CTNND2: variants seen among roughly 807,000 people sequenced by gnomAD.
CTNND2 encodes the protein catenin delta-2.
In CTNND2, 22 loss-of-function variants were observed where a neutral mutation model predicts 144.4. The ratio of observed to expected loss-of-function variants is 0.15; its 90% CI spans 0.11 to 0.22. CTNND2 has a LOEUF of 0.22. Ranked by LOEUF, CTNND2 falls within the 10% of genes least tolerant of loss-of-function variation. The pLI, the probability that CTNND2 is intolerant of heterozygous loss-of-function variation, is 1.00. For synonymous variants in CTNND2, 751 were observed against 695.6 expected (o/e 1.08, Z -1.25); for missense variants, 1,353 against 1,618.8 (o/e 0.84, Z 2.82).
intron 1 of CTNND2, among the ~76,000 whole-genome samples, chr5:11,898,204 G>A (rs527374864): frequency 3.5e-4 from 53 of 152,314 alleles, no homozygotes; most frequent in African/African-American, 1.2e-3. Flanking sequence ...ATCCCAACAT[G>A]CTGAGATGGG....
chr5:11,057,642 A>G (rs1746474072), intron 16 of CTNND2, among the ~76,000 whole-genome samples: 2 of 152,232 alleles, frequency 1.3e-5, no homozygotes, highest in Non-Finnish European at 2.9e-5. Context: ...TGGTACCAGT[A>G]GAGTGGGGTG....
chr5:11,248,774 A>T (rs1489469944), intron 9 of CTNND2, among the ~76,000 whole-genome samples: 1 of 152,222 alleles, frequency 6.6e-6, no homozygotes, highest in Non-Finnish European at 1.5e-5. Context: ...GTCCTGAAGT[A>T]CCTGTCACAG....
At chr5:11,467,578 G>A (rs1466394158) in intron 3 of CTNND2, among the ~76,000 whole-genome samples, 2 of 152,162 alleles carry the variant, frequency 1.3e-5, no homozygotes, top group East Asian at 3.9e-4. Context: ...CTCTAGGGTT[G>A]TGTGTGTGAG....
chr5:11,582,306 G>A (rs1778497546), intron 2 of CTNND2, among the ~76,000 whole-genome samples: 1 of 152,148 alleles, frequency 6.6e-6, no homozygotes, highest in Non-Finnish European at 1.5e-5. Context: ...ACATTCCAGG[G>A]AAAAGAAAAT....
chr5:11,717,713 T>C (rs1393407812), intron 2 of CTNND2, among the ~76,000 whole-genome samples: 1 of 152,108 alleles, frequency 6.6e-6, no homozygotes, highest in African/African-American at 2.4e-5. Flanking sequence ...ACGTCTTACA[T>C]GGGGGCAGGC....
intron 2 of CTNND2, among the ~76,000 whole-genome samples, chr5:11,601,456 C>T (rs1342510982): frequency 4.0e-5 from 6 of 151,884 alleles, no homozygotes; most frequent in Admixed American, 3.9e-4. Flanking sequence ...GATTTAATTC[C>T]AGTTATTAAA....
chr5:11,145,862 G>C (rs539125373), intron 12 of CTNND2, among the ~76,000 whole-genome samples: 1 of 151,822 alleles, frequency 6.6e-6, no homozygotes, highest in African/African-American at 2.4e-5. Flanking sequence ...CCTACCAACC[G>C]CGCCCTGGCT....
intron 9 of CTNND2, among the ~76,000 whole-genome samples, chr5:11,287,461 A>G (rs1389361474): frequency 6.6e-6 from 1 of 152,184 alleles, no homozygotes; most frequent in Non-Finnish European, 1.5e-5. Flanking sequence ...CTCTTTTTAT[A>G]TAGACATATT....
chr5:11,750,661 T>C (rs1363007267), intron 1 of CTNND2, among the ~76,000 whole-genome samples: 2 of 151,874 alleles, frequency 1.3e-5, no homozygotes, highest in Non-Finnish European at 2.9e-5. Context: ...AGTTTCCTCA[T>C]TGGTATAGGT....
At chr5:11,113,073 G>A (rs912303442) in intron 13 of CTNND2, among the ~76,000 whole-genome samples, 20 of 152,084 alleles carry the variant, frequency 1.3e-4, no homozygotes, top group African/African-American at 4.3e-4. Flanking sequence ...CCCGGAAAGC[G>A]GAGCTTGCAG....
At chr5:11,363,447 A>T (rs557424967) in intron 8 of CTNND2, among the ~76,000 whole-genome samples, 27 of 152,326 alleles carry the variant, frequency 1.8e-4, no homozygotes, top group Non-Finnish European at 1.0e-4. Flanking sequence ...ACTTAAAAAC[A>T]TGCAAACATT....
rs558132981 is a variant in CTNND2, at chr5:11,256,739, T to C, written c.1629-19916A>G. ...TACCAATGAGGCATAGTGAATAATA[T>C]CCACTGGCCCCAGGGGCTACGGATG... On this transcript the variant is annotated intron_variant, in intron 9 of 21. Coordinates refer to ENST00000304623, the MANE Select transcript of CTNND2 (RefSeq NM_001332.4). Among the ~76,000 whole-genome samples the C allele has an allele frequency of 2.6e-5, 4 of 152,226 alleles. No individual in the cohort carries two copies. In the East Asian group the frequency reaches 7.7e-4, roughly 29 times the overall value.
chr5:11,856,863 G>A (rs1374152488), intron 1 of CTNND2, among the ~76,000 whole-genome samples: 1 of 152,068 alleles, frequency 6.6e-6, no homozygotes, highest in East Asian at 1.9e-4. Flanking sequence ...CAAAATCACA[G>A]CATTTTAGAG....
intron 1 of CTNND2, among the ~76,000 whole-genome samples, chr5:11,870,514 A>G (rs750609104): frequency 2.1e-4 from 32 of 152,246 alleles, no homozygotes; most frequent in Non-Finnish European, 3.1e-4. Context: ...GCTTCTGCAG[A>G]ATTCCCTGAC....
chr5:11,419,851 A>G (rs1409104529), intron 3 of CTNND2, among the ~76,000 whole-genome samples: 1 of 152,154 alleles, frequency 6.6e-6, no homozygotes, highest in Non-Finnish European at 1.5e-5. Context: ...GTCTTTTTCA[A>G]TTTTTTGATG....
intron 3 of CTNND2, among the ~76,000 whole-genome samples, chr5:11,438,711 T>C (rs1048627114): frequency 6.6e-6 from 1 of 152,238 alleles, no homozygotes; most frequent in Non-Finnish European, 1.5e-5. Context: ...AACAATGTCC[T>C]AATTACTTAG....
chr5:11,263,258 G>A (rs1259271243), intron 9 of CTNND2, among the ~76,000 whole-genome samples: 3 of 152,058 alleles, frequency 2.0e-5, no homozygotes, highest in Non-Finnish European at 2.9e-5. Flanking sequence ...AATCTCTTTT[G>A]TATAATGGCC....
chr5:11,582,962 G>T (rs1778558046), intron 2 of CTNND2, among the ~76,000 whole-genome samples: 1 of 152,140 alleles, frequency 6.6e-6, no homozygotes, highest in Admixed American at 6.5e-5. Flanking sequence ...AATACACTAA[G>T]AATTTTGGAT....
At chr5:11,031,146 G>A (rs955226544) in intron 16 of CTNND2, among the ~76,000 whole-genome samples, 2 of 152,140 alleles carry the variant, frequency 1.3e-5, no homozygotes, top group African/African-American at 4.8e-5. Context: ...GGAGGGTGAC[G>A]GTGTCAGCTC....
Sources: allele counts gnomAD v4.1 joint callset (sites outside exome capture counted in the v4.1 genomes callset), GRCh38; gene constraint gnomAD v4.1.1; transcripts MANE v1.5; gene names NCBI Gene and HGNC (gene_info 2026-07-23, HGNC 2026-07-21).